CA10: variants seen among roughly 807,000 people sequenced by gnomAD.
CA10 encodes the protein carbonic anhydrase-related protein 10.
A neutral mutation model predicts 44.2 loss-of-function variants in CA10; 14 were observed. The observed-to-expected ratio is 0.32, with a 90% CI of 0.21 to 0.50. The LOEUF (loss-of-function observed/expected upper bound fraction) is 0.50. Ranked by LOEUF, CA10 falls within the 20% of genes least tolerant of loss-of-function variation. The pLI is 0.99. For synonymous variants in CA10, 159 were observed against 141.6 expected, an observed-to-expected ratio of 1.12 and a Z score of -0.87; for missense variants, 350 against 409.7, an observed-to-expected ratio of 0.85 and a Z score of 1.26.
At chr17:52,081,596 C>A (rs370400716) in intron 1 of CA10, among the ~76,000 whole-genome samples, 3 of 151,780 alleles carry the variant, frequency 2.0e-5, no homozygotes, top group African/African-American at 7.3e-5. Flanking sequence ...GTCAGGAGAT[C>A]GAGACCATCC....
chr17:52,154,261 T>C (rs1235994514), intron 1 of CA10, among the ~76,000 whole-genome samples: 1 of 152,182 alleles, frequency 6.6e-6, no homozygotes, highest in East Asian at 1.9e-4. Context: ...TAGACCTGGA[T>C]GTGAAACCTC....
intron 1 of CA10, among the ~76,000 whole-genome samples, chr17:52,121,845 T>A (rs1284267498): frequency 1.3e-5 from 2 of 152,168 alleles, no homozygotes; most frequent in African/African-American, 4.8e-5. Context: ...TGCCTTCTCA[T>A]CCAATGGCCT....
intron 3 of CA10, among the ~76,000 whole-genome samples, chr17:51,820,259 A>T (rs1457626724): frequency 1.6e-5 from 2 of 129,032 alleles, no homozygotes; most frequent in East Asian, 4.7e-4. Flanking sequence ...ACAATTTCCC[A>T]CTCCAATGCG....
chr17:52,009,542 C>T (rs576281775), intron 2 of CA10, among the ~76,000 whole-genome samples: 14 of 151,836 alleles, frequency 9.2e-5, no homozygotes, highest in African/African-American at 3.4e-4. Context: ...AAGAATCAAC[C>T]CCTCAACGTT....
chr17:52,109,768 A>T (rs1988750656), intron 1 of CA10, among the ~76,000 whole-genome samples: 1 of 152,232 alleles, frequency 6.6e-6, no homozygotes, highest in Non-Finnish European at 1.5e-5. Context: ...ATCTTAGATC[A>T]GTGGTCCAAA....
chr17:51,899,526 GT>G (rs112382437), intron 3 of CA10, among the ~76,000 whole-genome samples: 14,913 of 151,552 alleles, frequency 0.098, 913 homozygotes, highest in African/African-American at 0.18. Context: ...ATATACTGTT[GT>G]TTTTGGGTGG....
intron 1 of CA10, among the ~76,000 whole-genome samples, chr17:52,080,130 A>C (rs996175941): frequency 6.6e-6 from 1 of 152,212 alleles, no homozygotes; most frequent in Admixed American, 6.5e-5. Flanking sequence ...TATTACTTTC[A>C]TCTAAAATGC....
intron 4 of CA10, among the ~76,000 whole-genome samples, chr17:51,663,191 G>A (rs897043161): frequency 3.1e-4 from 7 of 22,606 alleles, no homozygotes; most frequent in South Asian, 1.4e-3. Context: ...GGGAAGTTCC[G>A]TGATGCTTTT....
At chr17:51,991,015 T>C (rs2144103394) in intron 2 of CA10, among the ~76,000 whole-genome samples, 1 of 152,276 alleles carries the variant, frequency 6.6e-6, no homozygotes, top group African/African-American at 2.4e-5. Flanking sequence ...AAGGGCTGTG[T>C]GCCCTCGGGC....
intron 7 of CA10, among the ~76,000 whole-genome samples, chr17:51,635,440 G>C (rs1037266510): frequency 1.3e-5 from 2 of 152,052 alleles, no homozygotes; most frequent in Non-Finnish European, 2.9e-5. Context: ...TTGAACCCAG[G>C]AGGTGGAAGT....
At chr17:52,006,867 T>G (rs1985617318) in intron 2 of CA10, among the ~76,000 whole-genome samples, 1 of 151,794 alleles carries the variant, frequency 6.6e-6, no homozygotes, top group Non-Finnish European at 1.5e-5. Flanking sequence ...GATTAATGTC[T>G]TCATTATATT....
intron 3 of CA10, among the ~76,000 whole-genome samples, chr17:51,807,776 C>A (rs556378018): frequency 6.6e-6 from 1 of 152,258 alleles, no homozygotes; most frequent in South Asian, 2.1e-4. Context: ...AGAGTCCAGA[C>A]TACATGATTT....
chr17:51,895,470 T>A (rs2319455), intron 3 of CA10, among the ~76,000 whole-genome samples: 102,588 of 151,446 alleles, frequency 0.68, 36,477 homozygotes, highest in African/African-American at 0.88. Flanking sequence ...AACAACAAAA[T>A]CTTCAGGTTG....
chr17:51,634,291 T>C (rs916081870), intron 7 of CA10, among the ~76,000 whole-genome samples: 1 of 152,226 alleles, frequency 6.6e-6, no homozygotes, highest in Admixed American at 6.5e-5. Context: ...TAAGATGCCC[T>C]CGTAGCTCTC....
chr17:51,758,455 T>G (rs181492213), intron 3 of CA10, among the ~76,000 whole-genome samples: 35 of 152,296 alleles, frequency 2.3e-4, no homozygotes, highest in African/African-American at 7.0e-4. Flanking sequence ...ATCAAGAGAA[T>G]GCTCCCTTTC....
At chr17:52,002,962 A>T (rs1985477605) in intron 2 of CA10, among the ~76,000 whole-genome samples, 1 of 151,992 alleles carries the variant, frequency 6.6e-6, no homozygotes, top group South Asian at 2.1e-4. Context: ...TCCATTATAC[A>T]ATCCTTCCTT....
At chr17:51,892,165 G>A (rs1247241921) in intron 3 of CA10, among the ~76,000 whole-genome samples, 2 of 152,208 alleles carry the variant, frequency 1.3e-5, no homozygotes, top group Non-Finnish European at 2.9e-5. Flanking sequence ...AACTCAAGGT[G>A]CAGAGACATG....
intron 2 of CA10, among the ~76,000 whole-genome samples, chr17:52,001,210 G>A (rs540354220): frequency 6.6e-6 from 1 of 151,938 alleles, no homozygotes; most frequent in Admixed American, 6.6e-5. Context: ...ATTTTCAAAG[G>A]ATTGTAAAAA....
chr17:51,880,742 T>C, intron 3 of CA10, among the ~76,000 whole-genome samples: 1 of 151,864 alleles, frequency 6.6e-6, no homozygotes, highest in Non-Finnish European at 1.5e-5. Flanking sequence ...ATCTGGTAAG[T>C]TTCAGTAATA....
Sources: allele counts gnomAD v4.1 joint callset (sites outside exome capture counted in the v4.1 genomes callset), GRCh38; gene constraint gnomAD v4.1.1; transcripts MANE v1.5; gene names NCBI Gene and HGNC (gene_info 2026-07-23, HGNC 2026-07-21).